The following PMEL variants were observed in gnomAD, a reference collection of about 807,000 sequenced individuals.
PMEL encodes the protein melanocyte protein PMEL.
A neutral mutation model predicts 64.9 loss-of-function variants in PMEL; 53 were observed. The ratio of observed to expected loss-of-function variants is 0.82; its 90% confidence interval spans 0.66 to 1.03. The LOEUF is 1.03. Among genes scored for constraint, PMEL ranks in the 50% least tolerant of loss-of-function variants. The pLI, the probability that PMEL is intolerant of heterozygous loss-of-function variation, is 0.00. For missense variants in PMEL, 716 were observed against 814.9 expected, an observed-to-expected ratio of 0.88 and a Z score of 1.48; for synonymous variants, 299 against 316.2, an observed-to-expected ratio of 0.95 and a Z score of 0.58.
At chr12:55,955,988 C>A in intron 7 of PMEL, 115 bp downstream of exon 7, 1 of 1,109,414 alleles carries the variant, frequency 9.0e-7, no homozygotes, top group Non-Finnish European at 1.4e-6. Flanking sequence ...AGGACTCTGG[C>A]ATTTGGGTAT....
Position 55,957,554 on chromosome 12 carries a change from T to C in PMEL, c.749A>G (p.Tyr250Cys). Reference sequence around the variant, plus strand: ...GTAGGAGAGGTCAGCTTCAGCCAGATAGCCACTGGGGTCATGGAGCTGGAG... The same window carrying C: ...GTAGGAGAGGTCAGCTTCAGCCAGACAGCCACTGGGGTCATGGAGCTGGAG... ...FALQLHDPSGYLAEADLSYTW... is the reference protein window; with the variant it reads ...FALQLHDPSGCLAEADLSYTW... The change falls in exon 6 of 11, where the codon TAT (tyrosine) becomes TGT (cysteine). Residue 250 changes from tyrosine to cysteine, a missense_variant. Tyr to Cys is a radical substitution (Grantham distance 194). Transcript: ENST00000548747. 1 of 1,613,798 alleles carries C rather than the reference T, an allele frequency of 6.2e-7. No individual in the cohort carries two copies. The highest frequency in any genetic ancestry group is 8.5e-7 in the Non-Finnish European group (1 of 1,179,920).
At chr12:55,960,644 G>A (rs1313387668) in intron 3 of PMEL, among the ~76,000 whole-genome samples, 4 of 139,732 alleles carry the variant, frequency 2.9e-5, no homozygotes, top group South Asian at 2.4e-4. Context: ...CTGGGTTCAC[G>A]CCATTCTCCT....
At chr12:55,966,680 G>A (rs112580654), upstream of PMEL, 20 of 1,086,258 alleles carry the variant, frequency 1.8e-5, no homozygotes, top group Non-Finnish European at 2.2e-5. Flanking sequence ...AAACTTGCCT[G>A]GGGCGGGATC....
chr12:55,964,924 CTTTCT>C (rs1176352172), intron 1 of PMEL, among the ~76,000 whole-genome samples: 3 of 131,442 alleles, frequency 2.3e-5, no homozygotes. Context: ...GCCTCATCCC[CTTTCT>C]TTTTTTTTTT....
Position 55,957,421 on chromosome 12 carries a change from A to T in PMEL, c.882T>A (p.Ala294=), listed in dbSNP as rs1021931191. The change falls in exon 6 of 11, where the codon GCT becomes GCA. Residue 294 remains alanine, a synonymous_variant. Transcript: ENST00000548747. ...AGCCACAGGAGGTGAGAGGAATGGC[A>T]GCCTGCAGGACCACCTGGGCAGTGA... ...GPVTAQVVLQ[A]AIPLTSCGSS... 6.2e-7 allele frequency: 1 copy of T among 1,608,166 alleles called. No individual in the cohort carries two copies. The highest frequency in any genetic ancestry group is 8.5e-7 in the Non-Finnish European group (1 of 1,176,242).
At position 55,957,691 on chromosome 12, in the gene PMEL, A is replaced by G. The variant is rs1202343624; in HGVS notation, c.632-20T>C. On this transcript the variant is annotated intron_variant, in intron 5 of 10. Coordinates refer to ENST00000548747, the MANE Select transcript of PMEL (RefSeq NM_001384361.1). ...CCTGGTCTGGGATTGGAGCCAGAAA[A>G]GGTGAGAACCAGGCCTGAGCCACAG... 1.3e-6 allele frequency: 2 copies of G among 1,597,468 alleles called. No homozygotes were observed. Among genetic ancestry groups the G allele is most frequent in the Admixed American group, 1.7e-5 (1 of 58,956 alleles).
At chr12:55,956,282 C>A in intron 6 of PMEL, 63 bp from the exon 7 acceptor site, 2 of 1,034,416 alleles carry the variant, frequency 1.9e-6, no homozygotes, top group Non-Finnish European at 3.0e-6. Flanking sequence ...AGGCAGAGGC[C>A]AAGCAGGCAT....
chr12:55,965,911 C>T (rs189369995), intron 1 of PMEL, 25 bp downstream of exon 1: 26 of 1,614,048 alleles, frequency 1.6e-5, no homozygotes, highest in African/African-American at 1.6e-4. Context: ...TTCACACCTG[C>T]TCATGTCCAC....
Position 55,955,543 on chromosome 12 carries a change from G to A in PMEL, c.1683C>T (p.Gly561=), listed in dbSNP as rs1193894214. The change falls in exon 9 of 11, where the codon GGC becomes GGT. Residue 561 remains glycine, a synonymous_variant. Coordinates refer to ENST00000548747, the MANE Select transcript of PMEL (RefSeq NM_001384361.1). The part of the protein sequence containing the change: ...QLVLHQILKG[G]SGTYCLNVSL... ...ACACATTGAGGCAGTATGTCCCCGAGCCACCCTTCAGTATCTGGTGCAGAA... is the reference window on the plus strand; with the variant it reads ...ACACATTGAGGCAGTATGTCCCCGAACCACCCTTCAGTATCTGGTGCAGAA... The A allele has an allele frequency of 6.2e-7, 1 of 1,614,144 alleles. No individual in the cohort carries two copies. Among genetic ancestry groups the A allele is most frequent in the Non-Finnish European group, 8.5e-7 (1 of 1,180,034 alleles).
In PMEL at chr12:55,961,308, A is replaced by G. The variant is rs749832219; in HGVS notation, c.334+9T>C. The G allele has an allele frequency of 1.2e-6, 2 of 1,613,450 alleles. No individual in the cohort carries two copies. The highest frequency in any genetic ancestry group is 1.1e-5 in the South Asian group (1 of 91,066). ...TAGGAATAAGGACCTAGAATAGAGA[A>G]GTACTCACCATTGATGATGGTATTG... On this transcript the variant is annotated intron_variant, in intron 3 of 10. Transcript: ENST00000548747.
rs186334972 is a variant in PMEL at position 55,962,929 on chromosome 12, G to A, written c.77-1197C>T. ...TGTAATCCCAGCACTTTGAGAGGCC[G>A]AGGCAGGTGGATCACAAGGTCAGGA... On this transcript the variant is annotated intron_variant, in intron 1 of 10. Transcript: ENST00000548747. Among the ~76,000 whole-genome samples the A allele has an allele frequency of 3.5e-3, 530 of 152,052 alleles. 6 individuals are homozygous for A. Among genetic ancestry groups the A allele is most frequent in the African/African-American group, 0.012 (486 of 41,522 alleles).
chr12:55,966,366 A>G (rs1350348498), upstream of PMEL: 1 of 265,846 alleles, frequency 3.8e-6, no homozygotes, highest in Non-Finnish European at 7.2e-6. Flanking sequence ...AGAACCCTGC[A>G]TCCCAAAACA....
intron 10 of PMEL, among the ~76,000 whole-genome samples, 164 bp from the exon 11 acceptor site, chr12:55,954,513 T>C (rs983872031): frequency 6.6e-6 from 1 of 152,200 alleles, no homozygotes; most frequent in African/African-American, 2.4e-5. Context: ...ATTTCTGTGG[T>C]AACCTCTGTC....
upstream of PMEL, chr12:55,966,684 C>A: frequency 9.2e-7 from 1 of 1,090,870 alleles, no homozygotes; most frequent in Non-Finnish European, 1.1e-6. Context: ...TTGCCTGGGG[C>A]GGGATCATTT....
chr12:55,955,738 A>T, intron 8 of PMEL, 41 bp downstream of exon 8: 1 of 1,608,774 alleles, frequency 6.2e-7, no homozygotes, highest in East Asian at 2.2e-5. Context: ...GCGGAGAAAC[A>T]GTCAACCAAA....
At chr12:55,959,647 A>T (rs377011682) in intron 3 of PMEL, among the ~76,000 whole-genome samples, 1 of 152,096 alleles carries the variant, frequency 6.6e-6, no homozygotes, top group East Asian at 1.9e-4. Flanking sequence ...TCTACTAAAA[A>T]TACAAAAATT....
intron 1 of PMEL, among the ~76,000 whole-genome samples, chr12:55,965,255 C>A (rs867114078): frequency 7.2e-5 from 11 of 152,224 alleles, no homozygotes; most frequent in African/African-American, 1.7e-4. Context: ...GTGCTGTAAC[C>A]CTAGTTGATT....
intron 3 of PMEL, among the ~76,000 whole-genome samples, chr12:55,959,692 C>T (rs1372103119): frequency 6.6e-6 from 1 of 152,104 alleles, no homozygotes; most frequent in East Asian, 1.9e-4. Flanking sequence ...ATAATCCCAG[C>T]TACCCAGGAG....
rs1448486490 is a variant in PMEL, at chr12:55,954,185, A to G, written c.*29T>C. 1 of 1,574,174 alleles carries G rather than the reference A, an allele frequency of 6.4e-7. No homozygotes were observed. Among genetic ancestry groups the G allele is most frequent in the Non-Finnish European group, 8.6e-7 (1 of 1,161,772 alleles). ...AAATATAGGTGTTTCTGTCAACTCC[A>G]GGAAAATCACAGCATCATATGAGAG... On this transcript the variant is annotated 3_prime_UTR_variant, in exon 11 of 11. Coordinates refer to ENST00000548747, the MANE Select transcript of PMEL (RefSeq NM_001384361.1).
Sources: allele counts gnomAD v4.1 joint callset (sites outside exome capture counted in the v4.1 genomes callset), GRCh38; gene constraint gnomAD v4.1.1; transcripts MANE v1.5; gene names NCBI Gene and HGNC (gene_info 2026-07-23, HGNC 2026-07-21).